The following VAMP3 variants were observed in gnomAD, a reference collection of about 807,000 sequenced individuals.
VAMP3 encodes vesicle associated membrane protein 3, also known as vesicle-associated membrane protein 3.
Under a neutral mutation model 18.1 loss-of-function variants are expected in VAMP3, and 11 were observed. The ratio of observed to expected loss-of-function variants is 0.61; its 90% confidence interval spans 0.38 to 1.00. The LOEUF (loss-of-function observed/expected upper bound fraction) is 1.00, where lower values mean the gene tolerates loss of function less well. VAMP3 is among the 50% of genes least tolerant of loss of function. The pLI is 0.01. For synonymous variants in VAMP3, 49 were observed against 43.1 expected, an observed-to-expected ratio of 1.14 and a Z score of -0.53; for missense variants, 122 against 127.3, an observed-to-expected ratio of 0.96 and a Z score of 0.20.
chr1:7,777,855 C>CT (rs1242902156), intron 3 of VAMP3, among the ~76,000 whole-genome samples: 14 of 152,208 alleles, frequency 9.2e-5, no homozygotes, highest in African/African-American at 2.9e-4. Flanking sequence ...GCTGAGCAGC[C>CT]TTTCCATATG....
chr1:7,779,181 C>G (rs1045376900), intron 4 of VAMP3, among the ~76,000 whole-genome samples: 4 of 151,896 alleles, frequency 2.6e-5, no homozygotes, highest in Admixed American at 6.6e-5. Flanking sequence ...GGTGACAGAG[C>G]AAGTCTCCGT....
chr1:7,779,935 A>C lies in VAMP3; in HGVS notation c.*290A>C. 5.6e-6 allele frequency: 2 copies of C among 356,238 alleles called. No individual in the cohort carries two copies. The highest frequency in any genetic ancestry group is 5.1e-6 in the Non-Finnish European group (1 of 196,682). The allele number at this position is 356,238 out of a possible 1,614,324, so 22.1% of individuals were successfully genotyped here. A position where few individuals can be genotyped will look rare whatever the true frequency, so the allele number is the denominator to read the frequency against. Reference sequence around the variant, plus strand: ...TCTAGATGTAATGTTGTCACTAATTAATTGCCATTACTCCCAGTTAGTTAC... The same window carrying C: ...TCTAGATGTAATGTTGTCACTAATTCATTGCCATTACTCCCAGTTAGTTAC... On this transcript the variant is annotated 3_prime_UTR_variant, in exon 5 of 5. Coordinates refer to ENST00000054666, the MANE Select transcript of VAMP3 (RefSeq NM_004781.4).
At chr1:7,772,044 T>C (rs1248577668) in intron 1 of VAMP3, among the ~76,000 whole-genome samples, 1 of 152,198 alleles carries the variant, frequency 6.6e-6, no homozygotes, top group Non-Finnish European at 1.5e-5. Context: ...CCCTCGAATG[T>C]TCCTGCTGAG....
intron 2 of VAMP3, among the ~76,000 whole-genome samples, chr1:7,774,208 G>C (rs1012242534): frequency 1.3e-5 from 2 of 152,162 alleles, no homozygotes; most frequent in Non-Finnish European, 2.9e-5. Flanking sequence ...TTAAAGTTAT[G>C]TCAGATACTG....
intron 3 of VAMP3, among the ~76,000 whole-genome samples, chr1:7,777,663 G>A (rs2097054951): frequency 1.3e-5 from 2 of 152,192 alleles, no homozygotes; most frequent in Non-Finnish European, 2.9e-5. Context: ...TTCTGTGAAT[G>A]GTTCCAAGGT....
chr1:7,774,835 C>T (rs2097053458), intron 2 of VAMP3, among the ~76,000 whole-genome samples: 1 of 152,216 alleles, frequency 6.6e-6, no homozygotes, highest in Non-Finnish European at 1.5e-5. Flanking sequence ...TTCCACCTTT[C>T]AGCAATTATG....
At chr1:7,773,114 C>T (rs1184644068) in intron 1 of VAMP3, 4 of 254,626 alleles carry the variant, frequency 1.6e-5, no homozygotes, top group African/African-American at 8.9e-5. Flanking sequence ...TGAGTACATT[C>T]AAGCAGATGT....
intron 3 of VAMP3, among the ~76,000 whole-genome samples, 190 bp downstream of exon 3, chr1:7,777,508 C>G (rs1305856844): frequency 1.3e-5 from 2 of 152,194 alleles, no homozygotes; most frequent in Non-Finnish European, 2.9e-5. Flanking sequence ...TAGGAATCCT[C>G]TATGTGCTGT....
intron 1 of VAMP3, 41 bp from the exon 2 acceptor site, chr1:7,773,401 G>T: frequency 6.6e-7 from 1 of 1,524,658 alleles, no homozygotes; most frequent in African/African-American, 1.4e-5. Context: ...AATGTATTTG[G>T]AATCGTAATG....
chr1:7,777,025 G>T, intron 2 of VAMP3, 135 bp from the exon 3 acceptor site: 1 of 878,984 alleles, frequency 1.1e-6, no homozygotes, highest in Non-Finnish European at 1.6e-6. Flanking sequence ...TGGCCAGGTT[G>T]GTCTCGAACT....
At chr1:7,771,959 C>T (rs1431067004) in intron 1 of VAMP3, among the ~76,000 whole-genome samples, 1 of 152,224 alleles carries the variant, frequency 6.6e-6, no homozygotes, top group African/African-American at 2.4e-5. Context: ...CACAAGGACT[C>T]CCTCTTCCAC....
At chr1:7,773,546 A>C (rs757235084) in intron 2 of VAMP3, 35 bp downstream of exon 2, 4 of 1,569,548 alleles carry the variant, frequency 2.5e-6, no homozygotes, top group Non-Finnish European at 3.5e-6. Context: ...ATGAATTTTA[A>C]ACAAATATGA....
At chr1:7,778,994 GA>G (rs1270109122) in intron 4 of VAMP3, among the ~76,000 whole-genome samples, 1 of 152,162 alleles carries the variant, frequency 6.6e-6, no homozygotes, top group Non-Finnish European at 1.5e-5. Context: ...AGGAGATCAA[GA>G]CCATCCTGGC....
At chr1:7,771,484 A>G in intron 1 of VAMP3, 99 bp downstream of exon 1, 1 of 1,381,422 alleles carries the variant, frequency 7.2e-7, no homozygotes, top group Non-Finnish European at 9.4e-7. Context: ...CGCCACTCGG[A>G]CGCAGGCCGG....
At chr1:7,779,535 T>C in intron 4 of VAMP3, 91 bp from the exon 5 acceptor site, 1 of 1,574,294 alleles carries the variant, frequency 6.4e-7, no homozygotes, top group Non-Finnish European at 8.7e-7. Flanking sequence ...TGATCACATT[T>C]AGACTGCAGC....
chr1:7,777,173 T>C lies in VAMP3; in HGVS notation c.86T>C (p.Met29Thr), dbSNP rs1384419744. Residue 29 changes from methionine to threonine, a missense_variant, in exon 3 of 5, where the codon ATG becomes ACG. Transcript: ENST00000054666. ...ACACTCATCTAGGTGGTGGACATAA[T>C]GCGAGTTAACGTGGACAAGGTTCTG... ...QNQVDEVVDI[M>T]RVNVDKVLER... 5 of 1,612,188 alleles carry C rather than the reference T, an allele frequency of 3.1e-6. No homozygotes were observed. The highest frequency in any genetic ancestry group is 4.2e-6 in the Non-Finnish European group (5 of 1,179,158).
Position 7,778,239 on chromosome 1 carries a change from A to G in VAMP3, c.283+70A>G, listed in dbSNP as rs190161339. ...TGTTCACAGACCATTGATTTTGTGT[A>G]CAAGAACTCAGATTAAAATTTCCCT... On this transcript the variant is annotated intron_variant, in intron 4 of 4. Transcript: ENST00000054666. 135 of 1,571,096 alleles carry G rather than the reference A, an allele frequency of 8.6e-5. 1 individual carries two copies. In the Admixed American group the frequency reaches 1.6e-3, roughly 19 times the overall value.
At chr1:7,772,030 A>C (rs2097051356) in intron 1 of VAMP3, among the ~76,000 whole-genome samples, 1 of 151,940 alleles carries the variant, frequency 6.6e-6, no homozygotes, top group Admixed American at 6.6e-5. Flanking sequence ...GGAGCTGGGG[A>C]CCCCCCTCGA....
rs533402224 is a variant in VAMP3, at chr1:7,779,804, T to C, written c.*159T>C. The C allele has an allele frequency of 7.6e-6, 7 of 923,840 alleles. No individual in the cohort carries two copies. Among genetic ancestry groups the C allele is most frequent in the Middle Eastern group, 2.5e-4 (1 of 4,004 alleles). 57.2% of individuals were successfully genotyped at this position (923,840 alleles called of 1,614,324 possible). On this transcript the variant is annotated 3_prime_UTR_variant, in exon 5 of 5. Transcript: ENST00000054666. Reference sequence around the variant, plus strand: ...GGAAACGTGCCTTTGTTTTTTAATATGCACTCCAAATTAGAAGGCCGGCCC... The same window carrying C: ...GGAAACGTGCCTTTGTTTTTTAATACGCACTCCAAATTAGAAGGCCGGCCC...
Sources: allele counts gnomAD v4.1 joint callset (sites outside exome capture counted in the v4.1 genomes callset), GRCh38; gene constraint gnomAD v4.1.1; transcripts MANE v1.5; gene names NCBI Gene and HGNC (gene_info 2026-07-23, HGNC 2026-07-21).